RORB: variants seen among roughly 807,000 people sequenced by gnomAD.
RORB encodes the protein nuclear receptor ROR-beta.
A neutral mutation model predicts 59.1 loss-of-function variants in RORB; 6 were observed. The ratio of observed to expected loss-of-function variants is 0.10; its 90% CI spans 0.06 to 0.20. The LOEUF is 0.20. RORB is among the 10% of genes least tolerant of loss of function. RORB has a pLI of 1.00. For missense variants in RORB, 320 were observed against 560.5 expected, an observed-to-expected ratio of 0.57 and a Z score of 4.33; for synonymous variants, 215 against 204.5, an observed-to-expected ratio of 1.05 and a Z score of -0.44.
intron 1 of RORB, among the ~76,000 whole-genome samples, chr9:74,555,125 C>T (rs1822266918): frequency 6.6e-6 from 1 of 152,218 alleles, no homozygotes; most frequent in African/African-American, 2.4e-5. Flanking sequence ...CAATTCAGTT[C>T]ATTCTCCTAA....
intron 9 of RORB, among the ~76,000 whole-genome samples, chr9:74,675,713 C>T (rs1043369783): frequency 2.0e-5 from 3 of 152,162 alleles, no homozygotes; most frequent in East Asian, 1.9e-4. Context: ...GTGCAAAGCC[C>T]GGGTTCAGAG....
Position 74,686,131 on chromosome 9 carries a change from C to T in RORB, c.*513C>T, listed in dbSNP as rs952598579. ...GTGAGAATATTATATATGACTATTA[C>T]TTATACATGCACATGCACTGTGGCT... On this transcript the variant is annotated 3_prime_UTR_variant, in exon 10 of 10. Coordinates refer to ENST00000376896, the MANE Select transcript of RORB (RefSeq NM_006914.4). The T allele has an allele frequency of 6.6e-6, 1 of 152,578 alleles. No homozygotes were observed. The allele number at this position is 152,578 out of a possible 1,614,324, so 9.5% of individuals were successfully genotyped here. A position where few individuals can be genotyped will look rare whatever the true frequency, so the allele number is the denominator to read the frequency against.
intron 5 of RORB, among the ~76,000 whole-genome samples, chr9:74,662,092 A>G (rs919133176): frequency 3.9e-5 from 6 of 152,146 alleles, no homozygotes; most frequent in Admixed American, 3.9e-4. Flanking sequence ...CTCAATGCAA[A>G]GCTTTGTTTT....
chr9:74,509,328 C>A (rs1053109924), intron 1 of RORB, among the ~76,000 whole-genome samples: 2 of 151,790 alleles, frequency 1.3e-5, no homozygotes, highest in Non-Finnish European at 2.9e-5. Context: ...ATAATTATTC[C>A]CTGGAAAGTT....
At chr9:74,683,499 A>G (rs541948066) in intron 9 of RORB, among the ~76,000 whole-genome samples, 17 of 152,296 alleles carry the variant, frequency 1.1e-4, no homozygotes, top group Admixed American at 6.5e-4. Context: ...GAGGGCTTAC[A>G]TAATCTGGCC....
At chr9:74,548,548 T>A (rs190453897) in intron 1 of RORB, among the ~76,000 whole-genome samples, 9 of 152,344 alleles carry the variant, frequency 5.9e-5, no homozygotes, top group Admixed American at 5.9e-4. Flanking sequence ...ATTTACTTTT[T>A]CAGAATAAGT....
intron 4 of RORB, among the ~76,000 whole-genome samples, chr9:74,656,801 G>A (rs1391952718): frequency 6.6e-6 from 1 of 152,058 alleles, no homozygotes; most frequent in East Asian, 1.9e-4. Context: ...ACTTCGGTTG[G>A]TTACCAGTTA....
intron 1 of RORB, among the ~76,000 whole-genome samples, chr9:74,508,422 C>A (rs1344702872): frequency 6.6e-6 from 1 of 151,934 alleles, no homozygotes; most frequent in Non-Finnish European, 1.5e-5. Flanking sequence ...ATTTTTTCCA[C>A]CAAAATTGTA....
At chr9:74,575,933 T>C (rs1822627947) in intron 1 of RORB, among the ~76,000 whole-genome samples, 1 of 152,138 alleles carries the variant, frequency 6.6e-6, no homozygotes. Context: ...TTATTATTAA[T>C]ATTATCACGC....
intron 1 of RORB, among the ~76,000 whole-genome samples, chr9:74,611,011 G>T (rs924296483): frequency 1.9e-4 from 29 of 152,150 alleles, no homozygotes; most frequent in Admixed American, 8.5e-4. Context: ...TATTTGAGGG[G>T]ATTTATCCCT....
chr9:74,607,385 G>A (rs1056701282), intron 1 of RORB, among the ~76,000 whole-genome samples: 5 of 152,126 alleles, frequency 3.3e-5, no homozygotes, highest in African/African-American at 1.2e-4. Flanking sequence ...GGATTGTAAC[G>A]GTGAGGCTTG....
chr9:74,587,899 A>G (rs988257747), intron 1 of RORB, among the ~76,000 whole-genome samples: 3 of 152,210 alleles, frequency 2.0e-5, no homozygotes, highest in Admixed American at 1.3e-4. Context: ...AGAAATGTGC[A>G]ACATAGGGAG....
At chr9:74,565,118 G>A (rs1215132025) in intron 1 of RORB, among the ~76,000 whole-genome samples, 1 of 152,134 alleles carries the variant, frequency 6.6e-6, no homozygotes, top group African/African-American at 2.4e-5. Context: ...GTCAGTGGTG[G>A]TTCCTATTAT....
chr9:74,643,635 C>A (rs1422958659), intron 4 of RORB, among the ~76,000 whole-genome samples: 9 of 152,332 alleles, frequency 5.9e-5, no homozygotes. Flanking sequence ...ACATTACTCT[C>A]CTGGGTAACA....
At chr9:74,626,485 A>G (rs1252363815) in intron 1 of RORB, among the ~76,000 whole-genome samples, 3 of 152,230 alleles carry the variant, frequency 2.0e-5, no homozygotes, top group African/African-American at 7.2e-5. Flanking sequence ...TAAGAAATTG[A>G]AAAAATGAAA....
At chr9:74,555,592 G>A (rs1400396239) in intron 1 of RORB, among the ~76,000 whole-genome samples, 1 of 152,108 alleles carries the variant, frequency 6.6e-6, no homozygotes, top group Non-Finnish European at 1.5e-5. Context: ...AAGCTCAAGG[G>A]TTTATTTAAC....
chr9:74,691,758 C>T lies in RORB; in HGVS notation c.*6140C>T, dbSNP rs533581515. The T allele has an allele frequency of 1.3e-5, 2 of 152,192 alleles. No individual in the cohort carries two copies. Among genetic ancestry groups the T allele is most frequent in the African/African-American group, 4.8e-5 (2 of 41,536 alleles). 9.4% of individuals were successfully genotyped at this position (152,192 alleles called of 1,614,324 possible). On this transcript the variant is annotated 3_prime_UTR_variant, in exon 10 of 10. Transcript: ENST00000376896. ...TCCTTTCTGCGTGTTATGTACTTCT[C>T]AGTTTTTTAATGGAAACTGGTTGTA...
chr9:74,674,403 G>A (rs1011548135), intron 9 of RORB, among the ~76,000 whole-genome samples: 3 of 152,118 alleles, frequency 2.0e-5, no homozygotes, highest in African/African-American at 4.8e-5. Context: ...CAGGGGCTCC[G>A]GTGAAATCGC....
intron 1 of RORB, among the ~76,000 whole-genome samples, chr9:74,528,390 C>T (rs983919117): frequency 2.6e-5 from 4 of 152,020 alleles, no homozygotes; most frequent in Admixed American, 6.6e-5. Flanking sequence ...CAGGCATCAA[C>T]GTCTCAAGTG....
Sources: gnomAD v4.1 joint callset for allele counts (sites outside exome capture counted in the v4.1 genomes callset) on GRCh38, gnomAD v4.1.1 for gene constraint, MANE v1.5 for transcripts, NCBI Gene and HGNC (gene_info 2026-07-23, HGNC 2026-07-21) for gene names.